DST: variants seen among roughly 807,000 people sequenced by gnomAD.
The protein encoded by DST is dystonin.
In DST, 253 loss-of-function variants were observed where a neutral mutation model predicts 875.2. That is an observed-to-expected ratio of 0.29 (90% CI 0.26 to 0.32). The LOEUF is 0.32. Ranked by LOEUF, DST falls within the 10% of genes least tolerant of loss-of-function variation. The probability of loss-of-function intolerance (pLI) is 1.00; values close to 1 mark genes in which losing one functional copy is unlikely to be tolerated. For missense variants in DST, 8,287 were observed against 9,111.6 expected (o/e 0.91, Z 3.68); for synonymous variants, 3,124 against 3,197.1 (o/e 0.98, Z 0.77).
At chr6:56,929,250 T>C (rs746032114) in intron 2 of DST, among the ~76,000 whole-genome samples, 3 of 152,196 alleles carry the variant, frequency 2.0e-5, no homozygotes, top group Non-Finnish European at 4.4e-5. Flanking sequence ...TTTGCACACA[T>C]GTAAAAGGCT....
rs1713117563 is a variant in DST at position 56,634,850 on chromosome 6, A to G, written c.3290T>C (p.Leu1097Pro). ...QLKPRNSDCPLKTSIPIKAIC... is the reference protein window; with the variant it reads ...QLKPRNSDCPPKTSIPIKAIC... ...AGCTTTGATCGGAATAGAAGTTTTGAGTGGACAGTCAGAATTCCTTGGCTT... is the reference window on the plus strand; with the variant it reads ...AGCTTTGATCGGAATAGAAGTTTTGGGTGGACAGTCAGAATTCCTTGGCTT... The change falls in exon 25 of 104, where the codon CTC (leucine) becomes CCC (proline). Residue 1097 changes from leucine (L) to proline (P), a missense_variant. Physicochemically the swap from Leu to Pro is moderately conservative, Grantham distance 98. This residue lies in a region of DST where 1,160 missense variants were observed against 1,424.3 expected (regional missense o/e 0.81). Coordinates refer to ENST00000680361, the MANE Select transcript of DST (RefSeq NM_001374736.1). 1 of 1,614,070 alleles carries G rather than the reference A, an allele frequency of 6.2e-7. No individual in the cohort carries two copies. Among genetic ancestry groups the G allele is most frequent in the African/African-American group, 1.3e-5 (1 of 75,052 alleles).
At chr6:56,651,761 C>A (rs1286101438) in intron 10 of DST, among the ~76,000 whole-genome samples, 1 of 152,138 alleles carries the variant, frequency 6.6e-6, no homozygotes, top group Non-Finnish European at 1.5e-5. Context: ...CTTCCTAGCC[C>A]TTATTTCTGT....
intron 4 of DST, among the ~76,000 whole-genome samples, chr6:56,763,704 C>CACACACAA (rs2099624300): frequency 6.7e-6 from 1 of 150,004 alleles, no homozygotes; most frequent in African/African-American, 2.5e-5. Flanking sequence ...CACACACACA[C>CACACACAA]ACACACACAC....
In DST at chr6:56,470,253, C is replaced by T. The variant is rs1334080899; in HGVS notation, c.22351G>A (p.Ala7451Thr). 3 of 1,609,066 alleles carry T rather than the reference C, an allele frequency of 1.9e-6. No homozygotes were observed. The highest frequency in any genetic ancestry group is 1.1e-5 in the South Asian group (1 of 90,150). The change falls in exon 96 of 104, where the codon GCA (alanine) becomes ACA (threonine). Residue 7451 changes from alanine to threonine, a missense_variant. Ala to Thr is a moderately conservative substitution (Grantham distance 58). Around this residue, in one of 10 missense-constraint regions of DST, gnomAD observed 87 missense variants for 209.7 expected, o/e 0.41. Transcript: ENST00000680361. ...KFPTSRLEMS[A>T]VADIFDRDGD... ...TCTCTGTCAAAGATGTCTGCAACTG[C>T]GCTCATCTCCAAGCGACTGGTTGGA...
chr6:56,535,836 T>A (rs1315237317), intron 62 of DST, among the ~76,000 whole-genome samples: 1 of 152,058 alleles, frequency 6.6e-6, no homozygotes, highest in Non-Finnish European at 1.5e-5. Flanking sequence ...GTAAATGGAG[T>A]CTCTGTGTCC....
At chr6:56,534,986 C>A in intron 63 of DST, 136 bp downstream of exon 63, 1 of 978,900 alleles carries the variant, frequency 1.0e-6, no homozygotes, top group South Asian at 1.7e-5. Context: ...TGTCGAATGA[C>A]TAACAAAATA....
intron 86 of DST, among the ~76,000 whole-genome samples, chr6:56,488,108 A>T (rs975735196): frequency 2.0e-5 from 3 of 152,338 alleles, no homozygotes; most frequent in Non-Finnish European, 4.4e-5. Flanking sequence ...ACACAATTAC[A>T]ATCACATTAT....
chr6:56,502,452 C>CA (rs765492426), intron 78 of DST, among the ~76,000 whole-genome samples: 1 of 152,066 alleles, frequency 6.6e-6, no homozygotes, highest in East Asian at 1.9e-4. Context: ...AAGTTACTTT[C>CA]AACCCACTTA....
At chr6:56,652,550 T>C (rs534315212) in intron 10 of DST, among the ~76,000 whole-genome samples, 34 of 152,338 alleles carry the variant, frequency 2.2e-4, no homozygotes, top group African/African-American at 7.0e-4. Flanking sequence ...ATGCAGATTA[T>C]TTTGTATACT....
chr6:56,747,887 AG>A (rs2099577211), intron 4 of DST, among the ~76,000 whole-genome samples: 2 of 152,126 alleles, frequency 1.3e-5, no homozygotes, highest in African/African-American at 4.8e-5. Flanking sequence ...CATATATGTA[AG>A]GACATAAACA....
chr6:56,624,967 C>G (rs2098720882), intron 35 of DST, among the ~76,000 whole-genome samples, 190 bp downstream of exon 35: 1 of 151,918 alleles, frequency 6.6e-6, no homozygotes, highest in Non-Finnish European at 1.5e-5. Context: ...CGAAAAGGTT[C>G]TGGAAATAAA....
At chr6:56,527,393 G>C in intron 68 of DST, 100 bp downstream of exon 68, 1 of 1,412,610 alleles carries the variant, frequency 7.1e-7, no homozygotes, top group Non-Finnish European at 9.4e-7. Flanking sequence ...GCATCCTTCA[G>C]CATATGTAAT....
intron 4 of DST, among the ~76,000 whole-genome samples, chr6:56,807,031 T>A (rs945323808): frequency 2.0e-5 from 3 of 150,500 alleles, no homozygotes; most frequent in African/African-American, 7.4e-5. Context: ...TGACTCAATA[T>A]TGATACTTGT....
intron 49 of DST, among the ~76,000 whole-genome samples, chr6:56,587,513 C>A (rs942457164): frequency 6.6e-6 from 1 of 152,020 alleles, no homozygotes; most frequent in Non-Finnish European, 1.5e-5. Flanking sequence ...GAGAACTTCC[C>A]CAATCTAGCA....
At chr6:56,799,921 A>G (rs2099744800) in intron 4 of DST, among the ~76,000 whole-genome samples, 2 of 152,162 alleles carry the variant, frequency 1.3e-5, no homozygotes, top group African/African-American at 4.8e-5. Flanking sequence ...CACCACGTCC[A>G]GCCAATACAA....
chr6:56,675,723 G>A (rs996525029), intron 9 of DST, among the ~76,000 whole-genome samples: 5 of 152,148 alleles, frequency 3.3e-5, no homozygotes, highest in East Asian at 3.9e-4. Flanking sequence ...ATGGTGGCAC[G>A]TGCCTGTAAT....
intron 2 of DST, among the ~76,000 whole-genome samples, chr6:56,907,765 A>AC (rs1450482561): frequency 6.6e-6 from 1 of 152,220 alleles, no homozygotes; most frequent in African/African-American, 2.4e-5. Flanking sequence ...AAAAAAAATA[A>AC]CATTTTTAGG....
chr6:56,624,844 CATTT>C (rs2098719741), intron 35 of DST, among the ~76,000 whole-genome samples: 2 of 152,176 alleles, frequency 1.3e-5, no homozygotes, highest in Admixed American at 1.3e-4. Flanking sequence ...TACATAAGTA[CATTT>C]ATTTATCTCC....
chr6:56,512,280 T>C (rs1252966068), intron 72 of DST, among the ~76,000 whole-genome samples: 1 of 152,144 alleles, frequency 6.6e-6, no homozygotes, highest in Non-Finnish European at 1.5e-5. Flanking sequence ...TTCAAGTGGA[T>C]CCCCATTCCC....
Sources: allele counts gnomAD v4.1 joint callset (sites outside exome capture counted in the v4.1 genomes callset), GRCh38; gene constraint gnomAD v4.1.1; regional missense constraint gnomAD v4.1.1; transcripts MANE v1.5; gene names NCBI Gene and HGNC (gene_info 2026-07-23, HGNC 2026-07-21).